Variants in ZNF367 observed in about 807,000 individuals in gnomAD.
ZNF367 encodes the protein zinc finger protein 367, also known as C2H2 zinc finger protein ZFF29.
In ZNF367, 11 loss-of-function variants were observed where a neutral mutation model predicts 31.8. The ratio of observed to expected loss-of-function variants is 0.35; its 90% CI spans 0.22 to 0.57. ZNF367 has a LOEUF of 0.57. Among genes scored for constraint, ZNF367 ranks in the 20% least tolerant of loss-of-function variants. ZNF367 has a pLI of 0.85. For missense variants in ZNF367, 353 were observed against 484.1 expected (o/e 0.73, Z 2.54); for synonymous variants, 199 against 202.4 (o/e 0.98, Z 0.14).
At chr9:96,394,700 G>T (rs1387002905) in intron 3 of ZNF367, 123 bp downstream of exon 3, 4 of 914,166 alleles carry the variant, frequency 4.4e-6, no homozygotes, top group Non-Finnish European at 6.3e-6. Flanking sequence ...AAAGAAGAAA[G>T]CTTATAAAGT....
chr9:96,405,314 C>CAAAAAAA (rs975848691), intron 1 of ZNF367, among the ~76,000 whole-genome samples: 59 of 55,130 alleles, frequency 1.1e-3, no homozygotes, highest in African/African-American at 2.8e-3. Flanking sequence ...AACTCTGTCT[C>CAAAAAAA]AAAAAAAAAA....
At chr9:96,412,625 C>G (rs932999299) in intron 1 of ZNF367, among the ~76,000 whole-genome samples, 3 of 151,576 alleles carry the variant, frequency 2.0e-5, no homozygotes, top group Non-Finnish European at 4.4e-5. Flanking sequence ...ATTGAGTGCA[C>G]TTTTATAAAG....
Position 96,403,756 on chromosome 9 carries a change from A to C in ZNF367, c.421-5442T>G, listed in dbSNP as rs1277416976. 2.0e-5 allele frequency among the ~76,000 whole-genome samples: 3 copies of C among 152,236 alleles called. No individual in the cohort carries two copies. The South Asian group carries it at 6.2e-4, about 32-fold the overall frequency. On this transcript the variant is annotated intron_variant, in intron 1 of 4. Coordinates refer to ENST00000375256, the MANE Select transcript of ZNF367 (RefSeq NM_153695.4). ...TCAACAAGGGACCCAAGAACATTCA[A>C]CAGAGAAAGAATAGTCTCTTTAACA...
chr9:96,417,981 G>A lies in ZNF367; in HGVS notation c.52C>T (p.Pro18Ser). The change falls in exon 1 of 5, where the codon CCG becomes TCG. Residue 18 changes from proline to serine, a missense_variant. By Grantham distance (74) the Pro-to-Ser change is moderately conservative. Transcript: ENST00000375256. This position sits in a 1 kb window ranked among gnomAD's most constrained non-coding sequence, Gnocchi z 5.0. The stretch of plus-strand genomic sequence containing the variant: ...GAGTCGTGGCAGAAGATGACGGGCG[G>A]CGGCGGCGGCGGCGGGTTCTCCGCC... ...PMAENPPPPP[P>S]PVIFCHDSPK... 2 of 1,429,880 alleles carry A rather than the reference G, an allele frequency of 1.4e-6. No homozygotes were observed. The highest frequency in any genetic ancestry group is 1.8e-6 in the Non-Finnish European group (2 of 1,098,266). The allele number at this position is 1,429,880 out of a possible 1,614,324, so 88.6% of individuals were successfully genotyped here. A position where few individuals can be genotyped will look rare whatever the true frequency, so the allele number is the denominator to read the frequency against.
chr9:96,394,607 G>T (rs113364186), intron 3 of ZNF367, among the ~76,000 whole-genome samples: 1 of 152,182 alleles, frequency 6.6e-6, no homozygotes, highest in Non-Finnish European at 1.5e-5. Flanking sequence ...ATATGTATAC[G>T]TACTGTGTAC....
intron 1 of ZNF367, among the ~76,000 whole-genome samples, chr9:96,405,720 T>G (rs891748744): frequency 6.6e-6 from 1 of 152,200 alleles, no homozygotes; most frequent in African/African-American, 2.4e-5. Context: ...GTGACTTCAT[T>G]TAATGAAATA....
At chr9:96,389,595 G>A (rs1239348018) in intron 4 of ZNF367, among the ~76,000 whole-genome samples, 2 of 152,182 alleles carry the variant, frequency 1.3e-5, no homozygotes, top group Non-Finnish European at 2.9e-5. Flanking sequence ...CATCTTGATT[G>A]TGGAGATGGT....
chr9:96,410,831 T>C (rs547055596), intron 1 of ZNF367, among the ~76,000 whole-genome samples: 2 of 151,806 alleles, frequency 1.3e-5, no homozygotes, highest in African/African-American at 2.4e-5. Context: ...TAACCCGAGA[T>C]TGCACCACTG....
chr9:96,410,322 G>A (rs1831728092), intron 1 of ZNF367, among the ~76,000 whole-genome samples: 1 of 151,734 alleles, frequency 6.6e-6, no homozygotes, highest in Non-Finnish European at 1.5e-5. Flanking sequence ...AGCACTTTGG[G>A]AGACCGAGGC....
chr9:96,396,439 G>A (rs1564140738), intron 2 of ZNF367, among the ~76,000 whole-genome samples: 1 of 151,574 alleles, frequency 6.6e-6, no homozygotes, highest in Non-Finnish European at 1.5e-5. Context: ...CCCTTTCCAG[G>A]GATTTAACTT....
intron 2 of ZNF367, 85 bp from the exon 3 acceptor site, chr9:96,395,027 GGTCATGACTCCCAATAACAATAAAACAT>G: frequency 1.0e-5 from 15 of 1,445,840 alleles, no homozygotes; most frequent in Non-Finnish European, 1.4e-5. Context: ...CCTTTATATA[GGTCATGACTCCCAATAACAATAAAACAT>G]GTCATGGCCC....
At chr9:96,412,906 C>G (rs1176282911) in intron 1 of ZNF367, among the ~76,000 whole-genome samples, 1 of 152,010 alleles carries the variant, frequency 6.6e-6, no homozygotes, top group African/African-American at 2.4e-5. Context: ...CCATGTTGGC[C>G]AGGTTGGTCT....
At position 96,398,875 on chromosome 9, in the gene ZNF367, C is replaced by T. The variant is rs540547056; in HGVS notation, c.421-561G>A. Among the ~76,000 whole-genome samples, 8 of 152,278 alleles carry T rather than the reference C, an allele frequency of 5.3e-5. No individual in the cohort carries two copies. In the East Asian group the frequency reaches 1.2e-3, roughly 22 times the overall value. On this transcript the variant is annotated intron_variant, in intron 1 of 4. Transcript: ENST00000375256. Reference sequence around the variant, plus strand: ...ATTGCGTTTGCCTGTTTTGAGCCTGCGGGTTACCTAAAGGACTGACACAAG... The same window carrying T: ...ATTGCGTTTGCCTGTTTTGAGCCTGTGGGTTACCTAAAGGACTGACACAAG...
intron 2 of ZNF367, among the ~76,000 whole-genome samples, chr9:96,397,817 C>T (rs1281118302): frequency 6.6e-6 from 1 of 151,856 alleles, no homozygotes; most frequent in African/African-American, 2.4e-5. Flanking sequence ...TCTGGCCAGG[C>T]GCGGTGGCTC....
At chr9:96,416,072 G>A (rs959827118) in intron 1 of ZNF367, among the ~76,000 whole-genome samples, 8 of 139,558 alleles carry the variant, frequency 5.7e-5, no homozygotes, top group African/African-American at 1.3e-4. Flanking sequence ...CTCTGTTATG[G>A]TTTTTTTTTT....
intron 1 of ZNF367, 88 bp from the exon 2 acceptor site, chr9:96,398,402 T>C: frequency 7.9e-7 from 1 of 1,269,296 alleles, no homozygotes; most frequent in Non-Finnish European, 1.1e-6. Flanking sequence ...CAAAAATCTT[T>C]CTTGGGAGCT....
intron 2 of ZNF367, among the ~76,000 whole-genome samples, chr9:96,397,145 C>G (rs562919180): frequency 6.6e-6 from 1 of 152,084 alleles, no homozygotes; most frequent in African/African-American, 2.4e-5. Context: ...GTCACAGTGG[C>G]TACTGTATGG....
intron 1 of ZNF367, among the ~76,000 whole-genome samples, chr9:96,406,181 T>C (rs1174514525): frequency 6.6e-6 from 1 of 152,222 alleles, no homozygotes; most frequent in Non-Finnish European, 1.5e-5. Flanking sequence ...AAGTGAACTT[T>C]CACACATACA....
chr9:96,411,644 C>T (rs987333121), intron 1 of ZNF367, among the ~76,000 whole-genome samples: 1 of 151,690 alleles, frequency 6.6e-6, no homozygotes, highest in African/African-American at 2.4e-5. Flanking sequence ...GATTAGTTAA[C>T]ATAAAAAAAA....
Sources: gnomAD v4.1 joint callset for allele counts (sites outside exome capture counted in the v4.1 genomes callset) on GRCh38, gnomAD v4.1.1 for gene constraint, Gnocchi (gnomAD v3.1) non-coding constraint, MANE v1.5 for transcripts, NCBI Gene and HGNC (gene_info 2026-07-23, HGNC 2026-07-21) for gene names.